Variants in TMEM135 observed in about 807,000 individuals in gnomAD.
TMEM135 encodes the protein peroxisomal membrane protein 52.
In TMEM135, 30 loss-of-function variants were observed where a neutral mutation model predicts 60.3. The observed-to-expected ratio is 0.50, with a 90% CI of 0.37 to 0.68. TMEM135 has a LOEUF of 0.68. Ranked by LOEUF, TMEM135 falls within the 30% of genes least tolerant of loss-of-function variation. TMEM135 has a pLI of 0.00. For missense variants in TMEM135, 468 were observed against 548.8 expected (o/e 0.85, Z 1.47); for synonymous variants, 190 against 186.7 (o/e 1.02, Z -0.14).
intron 4 of TMEM135, among the ~76,000 whole-genome samples, chr11:87,110,444 A>G (rs1206090612): frequency 6.6e-6 from 1 of 150,698 alleles, no homozygotes; most frequent in Non-Finnish European, 1.5e-5. Context: ...ACAGAGTGAG[A>G]ACCTGTCTTT....
intron 5 of TMEM135, among the ~76,000 whole-genome samples, chr11:87,190,143 A>G (rs560696824): frequency 6.6e-6 from 1 of 152,304 alleles, no homozygotes; most frequent in South Asian, 2.1e-4. Context: ...AATAGGTTCT[A>G]CTTGTCAAAT....
chr11:87,295,772 A>G lies in TMEM135; in HGVS notation c.510-10A>G. On this transcript the variant is annotated splice_polypyrimidine_tract_variant and intron_variant, in intron 6 of 14. Transcript: ENST00000305494. ...TGTTATTTTATGATTGTAAATTCTT[A>G]TTGTTTTAGGTGCAAGGATGGCTTG... The G allele has an allele frequency of 1.9e-6, 3 of 1,597,152 alleles. No homozygotes were observed. Among genetic ancestry groups the G allele is most frequent in the Non-Finnish European group, 2.6e-6 (3 of 1,169,380 alleles).
chr11:87,193,555 G>A (rs1939867100), intron 5 of TMEM135, among the ~76,000 whole-genome samples: 1 of 151,894 alleles, frequency 6.6e-6, no homozygotes, highest in South Asian at 2.1e-4. Flanking sequence ...TTGGTGGGGG[G>A]ATAACTGTTA....
intron 4 of TMEM135, among the ~76,000 whole-genome samples, chr11:87,120,418 C>T (rs988678145): frequency 1.5e-4 from 23 of 148,748 alleles, no homozygotes; most frequent in Non-Finnish European, 2.7e-4. Flanking sequence ...ACTTTTTAGT[C>T]GTATCATGGG....
chr11:87,060,985 C>T (rs993038223), intron 1 of TMEM135, among the ~76,000 whole-genome samples: 1 of 151,898 alleles, frequency 6.6e-6, no homozygotes, highest in Non-Finnish European at 1.5e-5. Context: ...AAAATCATGC[C>T]CATTAAAATC....
intron 1 of TMEM135, among the ~76,000 whole-genome samples, chr11:87,054,556 T>C (rs1412066589): frequency 6.6e-6 from 1 of 152,210 alleles, no homozygotes; most frequent in Non-Finnish European, 1.5e-5. Context: ...GCAAGTTCCT[T>C]TTATAAGAAT....
rs575712382 is a variant in TMEM135, at chr11:87,317,551, A to G, written c.1078-586A>G. Among the ~76,000 whole-genome samples the G allele has an allele frequency of 5.3e-5, 8 of 152,154 alleles. No homozygotes were observed. The South Asian group carries it at 1.7e-3, about 32-fold the overall frequency. ...TCCTTTGTTGCTTTGCTCTTTGGTTATGGTAGCTTATATAGATCTTGAGGA... is the reference window on the plus strand; with the variant it reads ...TCCTTTGTTGCTTTGCTCTTTGGTTGTGGTAGCTTATATAGATCTTGAGGA... On this transcript the variant is annotated intron_variant, in intron 12 of 14. Transcript: ENST00000305494.
intron 3 of TMEM135, among the ~76,000 whole-genome samples, chr11:87,082,273 G>T (rs922519258): frequency 2.6e-5 from 4 of 152,062 alleles, no homozygotes; most frequent in Non-Finnish European, 5.9e-5. Context: ...TGGAATTTGC[G>T]AGTTACTTTA....
intron 4 of TMEM135, among the ~76,000 whole-genome samples, chr11:87,106,114 T>A (rs1454377359): frequency 2.6e-5 from 4 of 152,110 alleles, no homozygotes; most frequent in African/African-American, 9.7e-5. Flanking sequence ...TCTTTCTTTT[T>A]TTTTTTTGAG....
intron 5 of TMEM135, among the ~76,000 whole-genome samples, chr11:87,193,762 A>ATATATTATAT (rs148061152): frequency 4.7e-5 from 7 of 147,942 alleles, no homozygotes; most frequent in Admixed American, 6.8e-5. Context: ...ATATATTCTT[A>ATATATTATAT]TATATTATAT....
intron 5 of TMEM135, among the ~76,000 whole-genome samples, chr11:87,233,477 A>C (rs144997578): frequency 2.1e-3 from 318 of 152,234 alleles, no homozygotes; most frequent in Middle Eastern, 0.017. Context: ...TAATGGGAGA[A>C]TGCTATAAGC....
At chr11:87,313,404 T>C (rs1942673488) in intron 10 of TMEM135, 21 bp from the exon 11 acceptor site, 2 of 1,592,918 alleles carry the variant, frequency 1.3e-6, no homozygotes, top group Non-Finnish European at 1.7e-6. Flanking sequence ...ACTGAAGTCA[T>C]TGTATTTTCT....
rs1942888060 is a variant in TMEM135 at position 87,324,772 on chromosome 11, A to G, written c.*3439A>G. ...GAGTATTAAGTAGTTTGACACAGCA[A>G]CAAAGTTGTCCTTTGTTTCCCAAAG... On this transcript the variant is annotated 3_prime_UTR_variant, in exon 15 of 15. Transcript: ENST00000305494. The G allele has an allele frequency of 2.2e-6, 1 of 453,840 alleles. No homozygotes were observed. The highest frequency in any genetic ancestry group is 4.4e-6 in the Non-Finnish European group (1 of 226,758). 28.1% of individuals were successfully genotyped at this position (453,840 alleles called of 1,614,324 possible).
chr11:87,319,405 A>T, intron 14 of TMEM135, 28 bp downstream of exon 14: 8 of 1,504,032 alleles, frequency 5.3e-6, no homozygotes, highest in Non-Finnish European at 7.4e-6. Context: ...TTTCTTAAAA[A>T]TATTATGAGT....
intron 4 of TMEM135, among the ~76,000 whole-genome samples, chr11:87,126,705 T>G (rs1937743922): frequency 6.6e-6 from 1 of 152,086 alleles, no homozygotes; most frequent in Non-Finnish European, 1.5e-5. Context: ...GTGTTAAAAA[T>G]TGTTAGTAAA....
Position 87,327,054 on chromosome 11 carries a change from A to G in TMEM135, c.*5721A>G, listed in dbSNP as rs1007795171. The G allele has an allele frequency of 1.1e-5, 5 of 453,874 alleles. No individual in the cohort carries two copies. The highest frequency in any genetic ancestry group is 2.2e-5 in the Non-Finnish European group (5 of 226,782). 28.1% of individuals were successfully genotyped at this position (453,874 alleles called of 1,614,324 possible). ...CACTGATGTTGTTTAAGACAGTTAC[A>G]TGCCTAGCCCCAGGGATGAATCATA... On this transcript the variant is annotated 3_prime_UTR_variant, in exon 15 of 15. Coordinates refer to ENST00000305494, the MANE Select transcript of TMEM135 (RefSeq NM_022918.4).
At chr11:87,178,386 G>A (rs1939433628) in intron 5 of TMEM135, 1 of 455,954 alleles carries the variant, frequency 2.2e-6, no homozygotes, top group Non-Finnish European at 4.4e-6. Flanking sequence ...TTATATACAT[G>A]TAATTATACA....
intron 5 of TMEM135, among the ~76,000 whole-genome samples, chr11:87,163,974 C>G (rs939959433): frequency 6.7e-6 from 1 of 148,474 alleles, no homozygotes; most frequent in Non-Finnish European, 1.5e-5. Context: ...AAAATTTTCT[C>G]CCATTTTGTA....
intron 6 of TMEM135, among the ~76,000 whole-genome samples, chr11:87,280,506 T>C (rs1435895843): frequency 6.6e-6 from 1 of 152,166 alleles, no homozygotes. Flanking sequence ...TTTCTAAGTC[T>C]TATATGTATT....
Sources: allele counts gnomAD v4.1 joint callset (sites outside exome capture counted in the v4.1 genomes callset), GRCh38; gene constraint gnomAD v4.1.1; transcripts MANE v1.5; gene names NCBI Gene and HGNC (gene_info 2026-07-23, HGNC 2026-07-21).